CACNA2D3: variants seen among roughly 807,000 people sequenced by gnomAD.
The protein encoded by CACNA2D3 is calcium voltage-gated channel auxiliary subunit alpha2delta 3.
In CACNA2D3, 60 loss-of-function variants were observed where a neutral mutation model predicts 160.6. That is an observed-to-expected ratio of 0.37 (90% confidence interval 0.30 to 0.46). The LOEUF is 0.46. Among genes scored for constraint, CACNA2D3 ranks in the 20% least tolerant of loss-of-function variants. CACNA2D3 has a pLI of 1.00. For missense variants in CACNA2D3, 1,205 were observed against 1,365.0 expected, an observed-to-expected ratio of 0.88 and a Z score of 1.85; for synonymous variants, 558 against 492.9, an observed-to-expected ratio of 1.13 and a Z score of -1.75.
intron 11 of CACNA2D3, among the ~76,000 whole-genome samples, chr3:54,716,826 G>A (rs1215070712): frequency 2.6e-5 from 4 of 151,844 alleles, no homozygotes; most frequent in Admixed American, 2.6e-4. Flanking sequence ...CTTTCACATA[G>A]CATAATAAAT....
At chr3:54,719,507 C>G (rs1358857967) in intron 11 of CACNA2D3, among the ~76,000 whole-genome samples, 1 of 151,906 alleles carries the variant, frequency 6.6e-6, no homozygotes, top group South Asian at 2.1e-4. Context: ...ATAAATTCAA[C>G]TTTGTCATAA....
At chr3:54,325,012 G>A (rs796274432) in intron 3 of CACNA2D3, among the ~76,000 whole-genome samples, 9 of 152,274 alleles carry the variant, frequency 5.9e-5, no homozygotes, top group African/African-American at 2.2e-4. Context: ...TGAGGGGAGG[G>A]AGAAGGCAGA....
intron 17 of CACNA2D3, among the ~76,000 whole-genome samples, chr3:54,857,997 AT>A (rs771788836): frequency 7.2e-5 from 11 of 151,938 alleles, no homozygotes; most frequent in Non-Finnish European, 1.6e-4. Context: ...CTGCTTTATT[AT>A]TTGAAGAAAG....
chr3:54,901,735 C>T (rs551707206), intron 27 of CACNA2D3, among the ~76,000 whole-genome samples: 1 of 152,172 alleles, frequency 6.6e-6, no homozygotes, highest in Non-Finnish European at 1.5e-5. Context: ...GTGACTGTTA[C>T]CCTTTTTCAA....
At chr3:54,894,036 G>A (rs975434270) in intron 25 of CACNA2D3, among the ~76,000 whole-genome samples, 4 of 152,096 alleles carry the variant, frequency 2.6e-5, no homozygotes, top group African/African-American at 9.7e-5. Context: ...AAAGTGCAGC[G>A]TTTTTATTGT....
chr3:54,631,159 G>C (rs112149211), intron 10 of CACNA2D3, among the ~76,000 whole-genome samples: 17,032 of 151,462 alleles, frequency 0.11, 3,181 homozygotes, highest in African/African-American at 0.39. Context: ...AGCTGAGATT[G>C]CACCACTGCA....
intron 2 of CACNA2D3, among the ~76,000 whole-genome samples, chr3:54,174,523 G>A (rs1700627769): frequency 6.6e-6 from 1 of 151,542 alleles, no homozygotes; most frequent in Non-Finnish European, 1.5e-5. Context: ...AGAATGATGA[G>A]CTTGAACTAT....
rs189503479 is a variant in CACNA2D3 at position 55,000,541 on chromosome 3, C to T, written c.2691-4222C>T. ...CTATGGAACAAACCTGCTTGTTCTGCGCATGTATACTATAACTTAAAGTAA... is the reference window on the plus strand; with the variant it reads ...CTATGGAACAAACCTGCTTGTTCTGTGCATGTATACTATAACTTAAAGTAA... On this transcript the variant is annotated intron_variant, in intron 31 of 37. Coordinates refer to ENST00000474759, the MANE Select transcript of CACNA2D3 (RefSeq NM_018398.3). Among the ~76,000 whole-genome samples, 81 of 152,124 alleles carry T rather than the reference C, an allele frequency of 5.3e-4. No homozygotes were observed. The East Asian group carries it at 0.013, about 24-fold the overall frequency.
intron 34 of CACNA2D3, among the ~76,000 whole-genome samples, chr3:55,011,371 T>C (rs182905688): frequency 8.3e-4 from 127 of 152,302 alleles, no homozygotes; most frequent in Non-Finnish European, 1.6e-3. Context: ...ATCCCACTTA[T>C]AGAAATTCAG....
intron 3 of CACNA2D3, among the ~76,000 whole-genome samples, chr3:54,383,684 C>T (rs1342758539): frequency 6.6e-6 from 1 of 151,866 alleles, no homozygotes; most frequent in African/African-American, 2.4e-5. Flanking sequence ...CGCAAATTCG[C>T]GGAGTTCCCT....
At chr3:55,062,206 A>C (rs1213636623) in intron 35 of CACNA2D3, among the ~76,000 whole-genome samples, 3 of 151,898 alleles carry the variant, frequency 2.0e-5, no homozygotes, top group African/African-American at 7.3e-5. Context: ...TGCAGCCTCA[A>C]AGTCCTGGGC....
chr3:54,318,633 C>T (rs1057129963), intron 2 of CACNA2D3, among the ~76,000 whole-genome samples: 3 of 150,964 alleles, frequency 2.0e-5, no homozygotes, highest in South Asian at 2.1e-4. Context: ...CCAGTGAATA[C>T]GGGGTTGCTG....
chr3:54,392,525 A>C (rs1699299343), intron 4 of CACNA2D3, among the ~76,000 whole-genome samples: 1 of 152,202 alleles, frequency 6.6e-6, no homozygotes, highest in South Asian at 2.1e-4. Flanking sequence ...AGTAATAGGG[A>C]AAAAGAGAAG....
chr3:54,527,526 C>G (rs1030809203), intron 5 of CACNA2D3, among the ~76,000 whole-genome samples: 1 of 152,136 alleles, frequency 6.6e-6, no homozygotes, highest in Non-Finnish European at 1.5e-5. Flanking sequence ...CAGTGTGGAG[C>G]GTTCGCCTTT....
At chr3:54,826,867 T>C (rs1703760618) in intron 14 of CACNA2D3, among the ~76,000 whole-genome samples, 1 of 152,166 alleles carries the variant, frequency 6.6e-6, no homozygotes, top group South Asian at 2.1e-4. Flanking sequence ...AGTTCAAATC[T>C]TTGGATTTCA....
intron 35 of CACNA2D3, among the ~76,000 whole-genome samples, chr3:55,038,740 G>A (rs536733612): frequency 1.8e-3 from 277 of 151,708 alleles, no homozygotes; most frequent in Middle Eastern, 3.4e-3. Flanking sequence ...CACCTTGAGA[G>A]GCACTCAGGC....
At chr3:54,760,586 C>G (rs914658836) in intron 12 of CACNA2D3, among the ~76,000 whole-genome samples, 3 of 151,998 alleles carry the variant, frequency 2.0e-5, no homozygotes, top group African/African-American at 7.3e-5. Context: ...TGTGAGGAGC[C>G]TAGACAAGGG....
chr3:54,357,491 C>T (rs1265611844), intron 3 of CACNA2D3, among the ~76,000 whole-genome samples: 1 of 152,124 alleles, frequency 6.6e-6, no homozygotes, highest in African/African-American at 2.4e-5. Context: ...ACGGTAACAG[C>T]CACTTTGGAA....
intron 12 of CACNA2D3, 69 bp from the exon 13 acceptor site, chr3:54,764,149 A>G: frequency 5.9e-6 from 9 of 1,536,602 alleles, no homozygotes; most frequent in Non-Finnish European, 8.1e-6. Context: ...AAGGCATGGC[A>G]TATGCATATT....
Sources: gnomAD v4.1 joint callset for allele counts (sites outside exome capture counted in the v4.1 genomes callset) on GRCh38, gnomAD v4.1.1 for gene constraint, MANE v1.5 for transcripts, NCBI Gene and HGNC (gene_info 2026-07-23, HGNC 2026-07-21) for gene names.